Variants in KCNK4 observed in about 807,000 individuals in gnomAD.
KCNK4 encodes potassium channel subfamily K member 4.
In KCNK4, 22 loss-of-function variants were observed where a neutral mutation model predicts 28.8. The observed-to-expected ratio is 0.76, with a 90% CI of 0.55 to 1.09. The LOEUF (loss-of-function observed/expected upper bound fraction) is 1.09, where lower values mean the gene tolerates loss of function less well. Among genes scored for constraint, KCNK4 ranks in the 50% least tolerant of loss-of-function variants. The pLI is 0.00. For missense variants in KCNK4, 483 were observed against 546.3 expected, an observed-to-expected ratio of 0.88 and a Z score of 1.15; for synonymous variants, 263 against 252.9, an observed-to-expected ratio of 1.04 and a Z score of -0.38.
In KCNK4 at chr11:64,298,187, G is replaced by A; in HGVS notation, c.739G>A (p.Ala247Thr). 1.9e-6 allele frequency: 3 copies of A among 1,613,756 alleles called. No homozygotes were observed. The highest frequency in any genetic ancestry group is 2.5e-6 in the Non-Finnish European group (3 of 1,180,032). ...FWILLGLAYF[A>T]SVLTTIGNWL... ...GATCCTGCTCGGCCTGGCTTACTTCGCCTCAGTGCTCACCACCATCGGGAA... is the reference window on the plus strand; with the variant it reads ...GATCCTGCTCGGCCTGGCTTACTTCACCTCAGTGCTCACCACCATCGGGAA... Residue 247 changes from alanine to threonine, a missense_variant, in exon 6 of 7, where the codon GCC becomes ACC. By Grantham distance (58) the Ala-to-Thr change is moderately conservative. Coordinates refer to ENST00000422670, the MANE Select transcript of KCNK4 (RefSeq NM_033310.3).
chr11:64,293,647 CTGGAGTGCAG>C (rs891742516), intron 2 of KCNK4, among the ~76,000 whole-genome samples: 8 of 152,138 alleles, frequency 5.3e-5, no homozygotes, highest in Non-Finnish European at 8.8e-5. Context: ...GTCACCCAGG[CTGGAGTGCAG>C]TGGTGTGATC....
In KCNK4 at chr11:64,299,477, G is replaced by A. The variant is rs1338652213; in HGVS notation, c.933G>A (p.Ala311=). ...QPLLPPPPCP[A]QPLGRPRSPS... is the part of the protein sequence containing the mutation. ...TGCTGCCTCCACCGCCCTGTCCAGC[G>A]CAGCCGCTGGGCAGGCCCCGATCCC... Residue 311 remains alanine, a synonymous_variant, in exon 7 of 7, where the codon GCG becomes GCA. Transcript: ENST00000422670. 1.2e-6 allele frequency: 2 copies of A among 1,606,176 alleles called. No homozygotes were observed. Among genetic ancestry groups the A allele is most frequent in the Admixed American group, 1.7e-5 (1 of 59,678 alleles).
rs1391054276 is a variant in KCNK4, at chr11:64,297,615, T to G, written c.623T>G (p.Val208Gly). 6.2e-7 allele frequency: 1 copy of G among 1,613,772 alleles called. No individual in the cohort carries two copies. Among genetic ancestry groups the G allele is most frequent in the Non-Finnish European group, 8.5e-7 (1 of 1,179,818 alleles). The change falls in exon 5 of 7, where the codon GTG becomes GGG. Residue 208 changes from valine to glycine, a missense_variant. Coordinates refer to ENST00000422670, the MANE Select transcript of KCNK4 (RefSeq NM_033310.3). ...SKLEAIYFVI[V>G]TLTTVGFGDY... ...CTGGAGGCCATCTACTTTGTCATAGTGACGCTTACCACCGTGGGCTTTGGC... is the reference window on the plus strand; with the variant it reads ...CTGGAGGCCATCTACTTTGTCATAGGGACGCTTACCACCGTGGGCTTTGGC...
chr11:64,294,859 C>T (rs74324757), intron 2 of KCNK4, among the ~76,000 whole-genome samples: 13 of 121,634 alleles, frequency 1.1e-4, no homozygotes, highest in African/African-American at 3.8e-4. Context: ...CTCAGAGAGG[C>T]GTGGGAAGAA....
chr11:64,294,515 CAA>C lies in KCNK4; in HGVS notation c.189+1328_189+1329del, dbSNP rs771542870. On this transcript the variant is annotated intron_variant, in intron 2 of 6. Transcript: ENST00000422670. ...CCAGCCCAGCCTGGATGATCGGTCTCAAAAAAAAAAAAAAAAAAAAAGAAAGT... is the reference window on the plus strand; with the variant it reads ...CCAGCCCAGCCTGGATGATCGGTCTCAAAAAAAAAAAAAAAAAAAGAAAGT... 7.6e-5 allele frequency among the ~76,000 whole-genome samples: 7 copies of C among 92,532 alleles called. No individual in the cohort carries two copies. The East Asian group carries it at 1.5e-3, about 20-fold the overall frequency. 60.7% of individuals were successfully genotyped at this position (92,532 alleles called of 152,430 possible). A position where few individuals can be genotyped will look rare whatever the true frequency, so the allele number is the denominator to read the frequency against.
intron 2 of KCNK4, among the ~76,000 whole-genome samples, chr11:64,294,625 A>C (rs2034721146): frequency 6.6e-6 from 1 of 152,124 alleles, no homozygotes; most frequent in Non-Finnish European, 1.5e-5. Context: ...CATACAAAAA[A>C]ATTAAGATTT....
chr11:64,297,383 C>T lies in KCNK4; in HGVS notation c.475-84C>T, dbSNP rs1024120304. 3.8e-6 allele frequency: 6 copies of T among 1,575,932 alleles called. No individual in the cohort carries two copies. The Middle Eastern group carries it at 6.8e-4, about 178-fold the overall frequency. On this transcript the variant is annotated intron_variant, in intron 4 of 6. Transcript: ENST00000422670. ...CCCCAAAGACCATAAGCCTCTCCCACAGGCTCCTGGGGGCGGGAGTGGGGA... is the reference window on the plus strand; with the variant it reads ...CCCCAAAGACCATAAGCCTCTCCCATAGGCTCCTGGGGGCGGGAGTGGGGA...
At chr11:64,299,074 G>A (rs961967943) in intron 6 of KCNK4, among the ~76,000 whole-genome samples, 5 of 112,516 alleles carry the variant, frequency 4.4e-5, no homozygotes, top group African/African-American at 6.5e-5. Context: ...AAAAAAAAAA[G>A]CATGTCCCAA....
At chr11:64,299,054 A>G (rs1183685546) in intron 6 of KCNK4, among the ~76,000 whole-genome samples, 15 of 148,026 alleles carry the variant, frequency 1.0e-4, no homozygotes, top group African/African-American at 4.9e-5. Flanking sequence ...AAAGAAGAAA[A>G]AAAAAAAAAA....
At position 64,292,937 on chromosome 11, in the gene KCNK4, C is replaced by T. The variant is rs1191716290; in HGVS notation, c.-77-5C>T. The T allele has an allele frequency of 6.8e-7, 1 of 1,460,436 alleles. No individual in the cohort carries two copies. The highest frequency in any genetic ancestry group is 9.0e-7 in the Non-Finnish European group (1 of 1,110,952). The allele number at this position is 1,460,436 out of a possible 1,614,324, so 90.5% of individuals were successfully genotyped here. ...TGACCCCAGCATCCCTGGTTTTGCC[C>T]GCAGTGACGACAGCTCCCCAGGAGC... On this transcript the variant is annotated splice_polypyrimidine_tract_variant and splice_region_variant and intron_variant, in intron 1 of 6. Coordinates refer to ENST00000422670, the MANE Select transcript of KCNK4 (RefSeq NM_033310.3).
chr11:64,299,301 G>A (rs959028377), intron 6 of KCNK4, 45 bp from the exon 7 acceptor site: 3 of 1,431,686 alleles, frequency 2.1e-6, no homozygotes, highest in Admixed American at 5.6e-5. Context: ...GGTCGCGGAG[G>A]GGGTCTAGAC....
chr11:64,293,146 G>T lies in KCNK4; in HGVS notation c.128G>T (p.Arg43Leu), dbSNP rs150371580. ...QQAQRELGEV[R>L]EKFLRAHPCV... ...GCCCAGAGGGAGCTGGGGGAGGTCC[G>T]AGAGAAGTTCCTGAGGGCCCATCCG... The change falls in exon 2 of 7, where the codon CGA becomes CTA. Residue 43 changes from arginine (R) to leucine (L), a missense_variant. Transcript: ENST00000422670. 6.3e-4 allele frequency: 970 copies of T among 1,536,136 alleles called. 2 individuals carry two copies. The highest frequency in any genetic ancestry group is 1.0e-3 in the Admixed American group (49 of 48,748).
intron 1 of KCNK4, 157 bp downstream of exon 1, chr11:64,291,723 A>C (rs1050443473): frequency 6.6e-6 from 1 of 151,796 alleles, no homozygotes; most frequent in African/African-American, 2.4e-5. Context: ...TCCGCGGCCC[A>C]GTCGGCACCG....
rs1353952694 is a variant in KCNK4, at chr11:64,299,421, G to C, written c.877G>C (p.Ala293Pro). Residue 293 changes from alanine to proline, a missense_variant, in exon 7 of 7, where the codon GCC becomes CCC. By Grantham distance (27) the Ala-to-Pro change is conservative. Transcript: ENST00000422670. ...TARVTQRAGP[A>P]APPPEKEQPL... Reference sequence around the variant, plus strand: ...GCGCGTGACCCAGCGAGCCGGGCCCGCCGCCCCGCCGCCGGAGAAGGAGCA... The same window carrying C: ...GCGCGTGACCCAGCGAGCCGGGCCCCCCGCCCCGCCGCCGGAGAAGGAGCA... 2 of 1,577,784 alleles carry C rather than the reference G, an allele frequency of 1.3e-6. No homozygotes were observed. The highest frequency in any genetic ancestry group is 4.7e-5 in the East Asian group (2 of 42,672).
At chr11:64,293,982 C>G (rs1308857504) in intron 2 of KCNK4, among the ~76,000 whole-genome samples, 6 of 152,198 alleles carry the variant, frequency 3.9e-5, no homozygotes. Context: ...CACCGGTTCC[C>G]ATACTTTTCT....
Position 64,299,630 on chromosome 11 carries a change from C to T in KCNK4, c.1086C>T (p.Pro362=), listed in dbSNP as rs373540462. The T allele has an allele frequency of 1.0e-5, 16 of 1,607,890 alleles. No homozygotes were observed. The highest frequency in any genetic ancestry group is 1.4e-5 in the Non-Finnish European group (16 of 1,177,804). ...DTQSERGCPL[P]RAPRGRRRPN... is the part of the protein sequence containing the mutation. ...AGAGCGAGCGCGGCTGCCCGCTGCCCCGCGCGCCGAGAGGTCGCCGCCGCC... is the reference window on the plus strand; with the variant it reads ...AGAGCGAGCGCGGCTGCCCGCTGCCTCGCGCGCCGAGAGGTCGCCGCCGCC... Residue 362 remains proline (P), a synonymous_variant, in exon 7 of 7, where the codon CCC becomes CCT. Coordinates refer to ENST00000422670, the MANE Select transcript of KCNK4 (RefSeq NM_033310.3).
chr11:64,298,037 G>A (rs532967953), intron 5 of KCNK4, 73 bp from the exon 6 acceptor site: 2 of 1,545,568 alleles, frequency 1.3e-6, no homozygotes, highest in Non-Finnish European at 1.8e-6. Flanking sequence ...GAACTGGGAG[G>A]GGGGCACTGA....
Position 64,293,949 on chromosome 11 carries a change from G to T in KCNK4, c.189+742G>T, listed in dbSNP as rs552645072. On this transcript the variant is annotated intron_variant, in intron 2 of 6. Transcript: ENST00000422670. ...TCCATCCCAAGCAATATTTTTGTTT[G>T]CTAAATCTGGCAACCCTACCTACAC... 2.0e-5 allele frequency among the ~76,000 whole-genome samples: 3 copies of T among 152,274 alleles called. No homozygotes were observed. The East Asian group carries it at 5.8e-4, about 29-fold the overall frequency.
Position 64,299,352 on chromosome 11 carries a change from G to A in KCNK4, c.808G>A (p.Gly270Ser). ...GCTTTCCCTCTCCGTGCAGATGGGC[G>A]GCCTCACGGCTCAGGCTGCCAGCTG... ...VSRRTRAEMG[G>S]LTAQAASWTG... Residue 270 changes from glycine (G) to serine (S), a missense_variant, in exon 7 of 7, where the codon GGC becomes AGC. By Grantham distance (56) the Gly-to-Ser change is moderately conservative. Transcript: ENST00000422670. The A allele has an allele frequency of 6.4e-7, 1 of 1,553,948 alleles. No individual in the cohort carries two copies. Among genetic ancestry groups the A allele is most frequent in the Non-Finnish European group, 8.7e-7 (1 of 1,152,370 alleles).
Sources: gnomAD v4.1 joint callset for allele counts (sites outside exome capture counted in the v4.1 genomes callset) on GRCh38, gnomAD v4.1.1 for gene constraint, MANE v1.5 for transcripts, NCBI Gene and HGNC (gene_info 2026-07-23, HGNC 2026-07-21) for gene names.